Variants in STXBP6 observed in about 807,000 individuals in gnomAD.
The protein encoded by STXBP6 is syntaxin binding protein 6.
STXBP6 carries 21 observed loss-of-function variants against 26.9 expected under a neutral mutation model. The ratio of observed to expected loss-of-function variants is 0.78; its 90% CI spans 0.55 to 1.12. The LOEUF (loss-of-function observed/expected upper bound fraction) is 1.12, where lower values mean the gene tolerates loss of function less well. Among genes scored for constraint, STXBP6 ranks in the 50% most tolerant of loss-of-function variants. STXBP6 has a pLI of 0.00. For missense variants in STXBP6, 232 were observed against 257.9 expected (o/e 0.90, Z 0.69); for synonymous variants, 97 against 92.6 (o/e 1.05, Z -0.27).
intron 1 of STXBP6, among the ~76,000 whole-genome samples, chr14:25,000,525 C>A (rs1182369987): frequency 6.6e-6 from 1 of 151,648 alleles, no homozygotes. Flanking sequence ...TGGTCCCATT[C>A]TGCCCCTAGG....
chr14:24,887,166 T>C (rs577608466), intron 2 of STXBP6, among the ~76,000 whole-genome samples: 2 of 152,328 alleles, frequency 1.3e-5, no homozygotes, highest in East Asian at 3.9e-4. Flanking sequence ...ATAATACATA[T>C]AACATTTCTC....
At chr14:24,879,387 G>A (rs1417632840) in intron 2 of STXBP6, among the ~76,000 whole-genome samples, 5 of 152,078 alleles carry the variant, frequency 3.3e-5, no homozygotes, top group East Asian at 1.9e-4. Context: ...AAGCTTTTCC[G>A]GTAATCCATT....
chr14:24,888,437 A>T (rs1393540090), intron 2 of STXBP6, among the ~76,000 whole-genome samples: 4 of 152,146 alleles, frequency 2.6e-5, no homozygotes, highest in Admixed American at 2.6e-4. Flanking sequence ...AAGATAGAAA[A>T]AATGGGCTGG....
Position 24,840,085 on chromosome 14 carries a change from G to A in STXBP6, c.451+15851C>T, listed in dbSNP as rs998387892. Among the ~76,000 whole-genome samples, 8 of 152,272 alleles carry A rather than the reference G, an allele frequency of 5.3e-5. 2 individuals carry two copies. Among genetic ancestry groups the A allele is most frequent in the Admixed American group, 3.9e-4 (6 of 15,290 alleles). Reference sequence around the variant, plus strand: ...TAATCCTCCCCACAGTACTGTATGGGAGAACTACTACTCTATTTTACAAAA... The same window carrying A: ...TAATCCTCCCCACAGTACTGTATGGAAGAACTACTACTCTATTTTACAAAA... On this transcript the variant is annotated intron_variant, in intron 4 of 5. Coordinates refer to ENST00000323944, the MANE Select transcript of STXBP6 (RefSeq NM_001394410.1).
At chr14:24,924,746 C>A (rs903505229) in intron 2 of STXBP6, among the ~76,000 whole-genome samples, 1 of 152,178 alleles carries the variant, frequency 6.6e-6, no homozygotes, top group African/African-American at 2.4e-5. Context: ...CCTGGGGGAA[C>A]TTGCAATCAG....
intron 1 of STXBP6, among the ~76,000 whole-genome samples, chr14:24,998,293 G>C (rs772198825): frequency 2.1e-4 from 32 of 152,228 alleles, no homozygotes; most frequent in African/African-American, 7.2e-4. Flanking sequence ...GAAGTGGGAA[G>C]GGGTTATTTT....
intron 1 of STXBP6, among the ~76,000 whole-genome samples, chr14:25,020,517 T>C (rs74748633): frequency 0.082 from 12,508 of 152,258 alleles, 613 homozygotes; most frequent in Non-Finnish European, 0.12. Flanking sequence ...TGCAATCACA[T>C]AGACAACCTC....
chr14:25,010,904 T>C (rs1021410672), intron 1 of STXBP6, among the ~76,000 whole-genome samples: 3 of 152,214 alleles, frequency 2.0e-5, no homozygotes, highest in African/African-American at 7.2e-5. Context: ...ACCTTTCTAC[T>C]TTACATACTG....
intron 4 of STXBP6, among the ~76,000 whole-genome samples, chr14:24,830,183 G>A (rs1180304119): frequency 6.6e-6 from 1 of 152,012 alleles, no homozygotes; most frequent in African/African-American, 2.4e-5. Context: ...TTAGATAGGG[G>A]CTTATAGACC....
At chr14:24,923,373 G>A (rs939195762) in intron 2 of STXBP6, among the ~76,000 whole-genome samples, 2 of 152,042 alleles carry the variant, frequency 1.3e-5, no homozygotes, top group African/African-American at 4.8e-5. Flanking sequence ...ATGCCACAAT[G>A]TTTTTATTCA....
At chr14:24,872,546 T>C (rs2069975634) in intron 2 of STXBP6, among the ~76,000 whole-genome samples, 1 of 152,160 alleles carries the variant, frequency 6.6e-6, no homozygotes, top group South Asian at 2.1e-4. Flanking sequence ...TTAGAGGAAG[T>C]GACTGACACA....
intron 1 of STXBP6, among the ~76,000 whole-genome samples, chr14:25,021,418 A>G (rs974946946): frequency 2.0e-5 from 3 of 152,134 alleles, no homozygotes; most frequent in Non-Finnish European, 4.4e-5. Context: ...TCTGCCTCAC[A>G]TGACTCTAGT....
intron 1 of STXBP6, among the ~76,000 whole-genome samples, chr14:25,015,738 G>A (rs1190477019): frequency 6.6e-6 from 1 of 150,914 alleles, no homozygotes; most frequent in African/African-American, 2.4e-5. Context: ...AATTAAAGTT[G>A]ATTTAGACTG....
intron 2 of STXBP6, among the ~76,000 whole-genome samples, chr14:24,859,955 A>C (rs2069474695): frequency 1.3e-5 from 2 of 152,308 alleles, no homozygotes; most frequent in Middle Eastern, 3.4e-3. Flanking sequence ...ATTAGCTCTG[A>C]AAAAACAACA....
chr14:24,879,032 T>C (rs1310606916), intron 2 of STXBP6, among the ~76,000 whole-genome samples: 1 of 151,758 alleles, frequency 6.6e-6, no homozygotes, highest in Non-Finnish European at 1.5e-5. Flanking sequence ...TATAAAATGA[T>C]AAAAAATACA....
At position 24,889,460 on chromosome 14, in the gene STXBP6, A is replaced by C. The variant is rs570414976; in HGVS notation, c.155-32303T>G. Among the ~76,000 whole-genome samples, 3 of 150,312 alleles carry C rather than the reference A, an allele frequency of 2.0e-5. No individual in the cohort carries two copies. In the East Asian group the frequency reaches 6.0e-4, roughly 30 times the overall value. ...GGGATAGCATTAGGAGATATACCTA[A>C]TGCTAAATGACGAGTTAATGGGTGC... On this transcript the variant is annotated intron_variant, in intron 2 of 5. Transcript: ENST00000323944.
intron 2 of STXBP6, among the ~76,000 whole-genome samples, chr14:24,946,392 G>A (rs962964841): frequency 6.6e-6 from 1 of 152,150 alleles, no homozygotes; most frequent in Non-Finnish European, 1.5e-5. Context: ...TTAAGGTACA[G>A]GAGATCTGCA....
intron 2 of STXBP6, among the ~76,000 whole-genome samples, chr14:24,902,882 G>A (rs542120255): frequency 6.6e-6 from 1 of 152,246 alleles, no homozygotes; most frequent in South Asian, 2.1e-4. Flanking sequence ...CCAGAGTAGT[G>A]GCAGGCCTTG....
chr14:24,851,091 G>GAAAT (rs1157435845), intron 4 of STXBP6, among the ~76,000 whole-genome samples: 1 of 152,074 alleles, frequency 6.6e-6, no homozygotes, highest in Non-Finnish European at 1.5e-5. Flanking sequence ...CAACACAAAT[G>GAAAT]AAATAGCAAT....
Sources: allele counts gnomAD v4.1 joint callset (sites outside exome capture counted in the v4.1 genomes callset), GRCh38; gene constraint gnomAD v4.1.1; transcripts MANE v1.5; gene names NCBI Gene and HGNC (gene_info 2026-07-23, HGNC 2026-07-21).